LRIG1: variants seen among roughly 807,000 people sequenced by gnomAD.
LRIG1 encodes the protein leucine-rich repeats and immunoglobulin-like domains protein 1.
LRIG1 carries 48 observed loss-of-function variants against 99.2 expected under a neutral mutation model. The observed-to-expected ratio is 0.48, with a 90% CI of 0.38 to 0.62. The LOEUF is 0.62. Among genes scored for constraint, LRIG1 ranks in the 20% least tolerant of loss-of-function variants. LRIG1 has a pLI of 0.00. For missense variants in LRIG1, 1,646 were observed against 1,434.4 expected (o/e 1.15, Z -2.38); for synonymous variants, 772 against 596.1 (o/e 1.29, Z -4.30).
At chr3:66,388,859 GA>G (rs1260837713) in intron 12 of LRIG1, among the ~76,000 whole-genome samples, 1 of 152,138 alleles carries the variant, frequency 6.6e-6, no homozygotes, top group African/African-American at 2.4e-5. Context: ...AGAAATCCAG[GA>G]GAGTATTTAG....
chr3:66,477,845 T>A (rs959463088), intron 1 of LRIG1, among the ~76,000 whole-genome samples: 2 of 52,764 alleles, frequency 3.8e-5, no homozygotes, highest in African/African-American at 6.7e-5. Context: ...CAGCAACTAT[T>A]TGAGTGATGC....
intron 3 of LRIG1, among the ~76,000 whole-genome samples, chr3:66,418,194 C>G (rs746184276): frequency 1.3e-5 from 2 of 152,134 alleles, no homozygotes; most frequent in African/African-American, 4.8e-5. Flanking sequence ...TGGGTTCAAG[C>G]GATTCTTCTG....
intron 3 of LRIG1, among the ~76,000 whole-genome samples, chr3:66,443,016 CTG>C (rs1703595024): frequency 6.6e-6 from 1 of 152,158 alleles, no homozygotes; most frequent in Admixed American, 6.5e-5. Context: ...CAAGTCATGA[CTG>C]TGTAATTTGG....
At chr3:66,383,449 C>G (rs1180108466) in intron 14 of LRIG1, 48 bp from the exon 15 acceptor site, 1 of 1,471,152 alleles carries the variant, frequency 6.8e-7, no homozygotes. Flanking sequence ...GCCTCCGTTG[C>G]TCTGGCTCTG....
At chr3:66,490,257 G>A (rs1325074058) in intron 1 of LRIG1, among the ~76,000 whole-genome samples, 1 of 152,210 alleles carries the variant, frequency 6.6e-6, no homozygotes, top group African/African-American at 2.4e-5. Flanking sequence ...TACAGGGCAT[G>A]TCAGCTTGTT....
At chr3:66,406,383 T>C (rs1400718254) in intron 8 of LRIG1, 1 of 985,340 alleles carries the variant, frequency 1.0e-6, no homozygotes, top group Non-Finnish European at 1.2e-6. Flanking sequence ...CCGCTCAGTC[T>C]GAATGTTCCC....
chr3:66,495,039 G>A (rs115631140), intron 1 of LRIG1, among the ~76,000 whole-genome samples: 27 of 152,264 alleles, frequency 1.8e-4, no homozygotes, highest in African/African-American at 5.8e-4. Context: ...TTTCTTTCCA[G>A]AGGAGATAAG....
chr3:66,395,783 G>C (rs1701825548), intron 11 of LRIG1, among the ~76,000 whole-genome samples: 1 of 152,196 alleles, frequency 6.6e-6, no homozygotes, highest in Non-Finnish European at 1.5e-5. Context: ...CCCTGCATGG[G>C]GGTCAGGGCT....
chr3:66,393,737 G>A (rs990465300), intron 12 of LRIG1, among the ~76,000 whole-genome samples: 3 of 152,112 alleles, frequency 2.0e-5, no homozygotes, highest in Non-Finnish European at 2.9e-5. Flanking sequence ...AGCTAAACCC[G>A]GGCACCAGAG....
chr3:66,457,667 G>A (rs537248933), intron 2 of LRIG1, among the ~76,000 whole-genome samples: 6 of 152,290 alleles, frequency 3.9e-5, no homozygotes, highest in South Asian at 2.1e-4. Context: ...GAAAGCAAAC[G>A]CTGAGGCACT....
chr3:66,407,921 A>C (rs983840543), intron 7 of LRIG1, among the ~76,000 whole-genome samples: 1 of 151,910 alleles, frequency 6.6e-6, no homozygotes, highest in African/African-American at 2.4e-5. Flanking sequence ...CCCCAGTCAC[A>C]CTCCCTGCAT....
chr3:66,478,931 T>A (rs1204630917), intron 1 of LRIG1, among the ~76,000 whole-genome samples: 1 of 152,164 alleles, frequency 6.6e-6, no homozygotes. Flanking sequence ...TTCCTTCTGG[T>A]TTCTTGCTCT....
intron 3 of LRIG1, among the ~76,000 whole-genome samples, chr3:66,441,856 G>T (rs1350519662): frequency 1.3e-5 from 2 of 152,174 alleles, no homozygotes; most frequent in Non-Finnish European, 2.9e-5. Context: ...ATGCTTCCTT[G>T]CTCTGTGACG....
chr3:66,410,444 G>A (rs145894795), intron 6 of LRIG1, among the ~76,000 whole-genome samples, 172 bp from the exon 7 acceptor site: 77 of 152,372 alleles, frequency 5.1e-4, no homozygotes, highest in African/African-American at 1.8e-3. Context: ...TAGGGGCTGG[G>A]AGAAGACAGG....
intron 5 of LRIG1, among the ~76,000 whole-genome samples, chr3:66,414,453 A>G (rs1702562548): frequency 6.6e-6 from 1 of 152,118 alleles, no homozygotes; most frequent in Non-Finnish European, 1.5e-5. Flanking sequence ...ACCTTGTAAG[A>G]TTAAAGATAT....
At chr3:66,473,585 G>A (rs767363146) in intron 1 of LRIG1, among the ~76,000 whole-genome samples, 5 of 152,138 alleles carry the variant, frequency 3.3e-5, no homozygotes, top group Non-Finnish European at 7.4e-5. Flanking sequence ...TTATTTTCTA[G>A]GTTTATCCTC....
At chr3:66,439,508 TA>T (rs1401475454) in intron 3 of LRIG1, among the ~76,000 whole-genome samples, 2 of 152,122 alleles carry the variant, frequency 1.3e-5, no homozygotes, top group African/African-American at 2.4e-5. Flanking sequence ...AACTTTGCTA[TA>T]TTACAATAAA....
chr3:66,492,763 C>T (rs1701133659), intron 1 of LRIG1, among the ~76,000 whole-genome samples: 1 of 152,182 alleles, frequency 6.6e-6, no homozygotes, highest in Non-Finnish European at 1.5e-5. Context: ...CAGAAATGAA[C>T]AGATTGGTTG....
At position 66,462,021 on chromosome 3, in the gene LRIG1, G is replaced by A. The variant is rs577713207; in HGVS notation, c.290+417C>T. ...GCACATTGGGAGGCCAAGGCGCGCAGATCACATGAGGCCAGAGTTCGAGAC... is the reference window on the plus strand; with the variant it reads ...GCACATTGGGAGGCCAAGGCGCGCAAATCACATGAGGCCAGAGTTCGAGAC... On this transcript the variant is annotated intron_variant, in intron 2 of 18. Transcript: ENST00000273261. Among the ~76,000 whole-genome samples, 30 of 152,262 alleles carry A rather than the reference G, an allele frequency of 2.0e-4. No homozygotes were observed. The East Asian group carries it at 2.1e-3, about 11-fold the overall frequency.
Sources: gnomAD v4.1 joint callset for allele counts (sites outside exome capture counted in the v4.1 genomes callset) on GRCh38, gnomAD v4.1.1 for gene constraint, MANE v1.5 for transcripts, NCBI Gene and HGNC (gene_info 2026-07-23, HGNC 2026-07-21) for gene names.